The following PLEKHA7 variants were observed in gnomAD, a reference collection of about 807,000 sequenced individuals.
PLEKHA7 encodes pleckstrin homology domain containing A7, also known as pleckstrin homology domain-containing family A member 7.
PLEKHA7 carries 104 observed loss-of-function variants against 170.0 expected under a neutral mutation model. The ratio of observed to expected loss-of-function variants is 0.61; its 90% confidence interval spans 0.52 to 0.72. The LOEUF is 0.72. Ranked by LOEUF, PLEKHA7 falls within the 30% of genes least tolerant of loss-of-function variation. PLEKHA7 has a pLI of 0.00. For missense variants in PLEKHA7, 1,615 were observed against 1,671.7 expected (o/e 0.97, Z 0.59); for synonymous variants, 648 against 660.8 (o/e 0.98, Z 0.30).
At chr11:16,803,078 G>T in intron 14 of PLEKHA7, 26 bp from the exon 15 acceptor site, 1 of 1,598,870 alleles carries the variant, frequency 6.3e-7, no homozygotes, top group Non-Finnish European at 8.6e-7. Flanking sequence ...GGTGGAGAGG[G>T]CCTGGGGTGA....
Position 16,944,594 on chromosome 11 carries a change from G to A in PLEKHA7, c.221+69395C>T, listed in dbSNP as rs554029933. 3.1e-3 allele frequency among the ~76,000 whole-genome samples: 471 copies of A among 151,166 alleles called. 2 individuals carry two copies. Among genetic ancestry groups the A allele is most frequent in the Middle Eastern group, 6.9e-3 (2 of 290 alleles). The stretch of plus-strand genomic sequence containing the variant: ...GCAAAAACCCATATTTGACAAAACA[G>A]GGCACTATTCTCACCCAGGAGACCT... On this transcript the variant is annotated intron_variant, in intron 3 of 26. Coordinates refer to ENST00000531066, the MANE Select transcript of PLEKHA7 (RefSeq NM_001329630.2).
At chr11:16,839,627 C>T (rs1851797140) in intron 9 of PLEKHA7, among the ~76,000 whole-genome samples, 1 of 151,904 alleles carries the variant, frequency 6.6e-6, no homozygotes, top group Admixed American at 6.6e-5. Flanking sequence ...ATTTTCTTGT[C>T]ATTATTGCCT....
intron 17 of PLEKHA7, among the ~76,000 whole-genome samples, chr11:16,796,005 CCCA>C (rs1249071967): frequency 2.0e-5 from 3 of 151,756 alleles, no homozygotes; most frequent in African/African-American, 2.4e-5. Context: ...ATTACAGGCG[CCCA>C]CCACCACATC....
At chr11:16,899,382 A>ATC (rs1156992751) in intron 3 of PLEKHA7, among the ~76,000 whole-genome samples, 3 of 152,156 alleles carry the variant, frequency 2.0e-5, no homozygotes, top group South Asian at 2.1e-4. Context: ...TTGTAATCCC[A>ATC]GCTACTAGGG....
At chr11:16,988,721 T>C (rs1030637004) in intron 3 of PLEKHA7, among the ~76,000 whole-genome samples, 2 of 152,212 alleles carry the variant, frequency 1.3e-5, no homozygotes, top group African/African-American at 4.8e-5. Flanking sequence ...GCTGGGATTA[T>C]GGGCATGAGC....
intron 13 of PLEKHA7, among the ~76,000 whole-genome samples, chr11:16,809,666 C>G (rs1162018329): frequency 1.3e-5 from 2 of 152,234 alleles, no homozygotes; most frequent in Non-Finnish European, 2.9e-5. Flanking sequence ...TCCAACCATT[C>G]ATCCCACTCA....
In PLEKHA7 at chr11:16,792,194, T is replaced by G. The variant is rs76745921; in HGVS notation, c.2746-995A>C. 3.3e-3 allele frequency among the ~76,000 whole-genome samples: 496 copies of G among 152,274 alleles called. 7 individuals are homozygous for G. The East Asian group carries it at 0.041, about 13-fold the overall frequency. ...CTGACAAGATATCCGAATCACCAAT[T>G]TCTAAAAAGCTCCCCAGAAAGATAA... On this transcript the variant is annotated intron_variant, in intron 19 of 26. Coordinates refer to ENST00000531066, the MANE Select transcript of PLEKHA7 (RefSeq NM_001329630.2).
intron 3 of PLEKHA7, among the ~76,000 whole-genome samples, chr11:16,917,064 C>CA (rs1387755625): frequency 6.6e-6 from 1 of 151,984 alleles, no homozygotes; most frequent in Non-Finnish European, 1.5e-5. Context: ...ACAAAAAATA[C>CA]AAAAATTAGC....
intron 3 of PLEKHA7, among the ~76,000 whole-genome samples, chr11:16,897,858 T>C (rs1857095751): frequency 6.6e-6 from 1 of 152,156 alleles, no homozygotes; most frequent in Non-Finnish European, 1.5e-5. Flanking sequence ...AGTTCGGTGC[T>C]GCAAGCCTCT....
intron 8 of PLEKHA7, chr11:16,842,294 G>T: frequency 6.5e-6 from 1 of 154,138 alleles, no homozygotes. Flanking sequence ...TCACCCCATT[G>T]ATCGCCAGGG....
chr11:16,896,932 G>A (rs1413369517), intron 3 of PLEKHA7, among the ~76,000 whole-genome samples: 2 of 152,130 alleles, frequency 1.3e-5, no homozygotes, highest in South Asian at 2.1e-4. Context: ...GTGCACACAC[G>A]GAGAGAACTT....
chr11:16,826,173 G>T lies in PLEKHA7; in HGVS notation c.1290C>A (p.Ser430Arg), dbSNP rs1312108105. 6.2e-7 allele frequency: 1 copy of T among 1,614,188 alleles called. No homozygotes were observed. The highest frequency in any genetic ancestry group is 2.2e-5 in the East Asian group (1 of 44,876). Residue 430 changes from serine to arginine, a missense_variant, in exon 10 of 27, where the codon AGC becomes AGA. Coordinates refer to ENST00000531066, the MANE Select transcript of PLEKHA7 (RefSeq NM_001329630.2). ...CCCAGTGCTCCACCTGGGCCAGATT[G>T]CTCTTCCTTTGGCTGTGTTTTTCAG... The part of the protein sequence containing the change: ...TNPEKHSQRK[S>R]NLAQVEHWAR...
At chr11:16,886,937 A>C (rs1444667954) in intron 3 of PLEKHA7, among the ~76,000 whole-genome samples, 1 of 152,146 alleles carries the variant, frequency 6.6e-6, no homozygotes, top group East Asian at 1.9e-4. Context: ...TAGTTTCTAT[A>C]TATCCTGCCA....
intron 3 of PLEKHA7, among the ~76,000 whole-genome samples, chr11:16,951,642 C>G (rs1348894174): frequency 6.6e-6 from 1 of 152,050 alleles, no homozygotes; most frequent in African/African-American, 2.4e-5. Flanking sequence ...TAAATGAAAA[C>G]GTAAAAGTTT....
intron 13 of PLEKHA7, among the ~76,000 whole-genome samples, chr11:16,809,466 C>A (rs915998395): frequency 6.6e-6 from 1 of 152,188 alleles, no homozygotes; most frequent in Non-Finnish European, 1.5e-5. Context: ...CTTACCTCAC[C>A]CCCCTCCAAG....
At chr11:16,908,501 C>T (rs191478632) in intron 3 of PLEKHA7, among the ~76,000 whole-genome samples, 14 of 145,212 alleles carry the variant, frequency 9.6e-5, no homozygotes, top group Admixed American at 2.0e-4. Context: ...ATTTTTTTTT[C>T]TTTTTTTTTT....
At chr11:17,000,301 C>T (rs1257410122) in intron 3 of PLEKHA7, among the ~76,000 whole-genome samples, 1 of 152,102 alleles carries the variant, frequency 6.6e-6, no homozygotes, top group Non-Finnish European at 1.5e-5. Context: ...ACCATATTGG[C>T]CAGGCTGGTC....
chr11:16,876,558 CA>C (rs1461404073), intron 3 of PLEKHA7, among the ~76,000 whole-genome samples: 1 of 152,210 alleles, frequency 6.6e-6, no homozygotes, highest in Non-Finnish European at 1.5e-5. Flanking sequence ...TAACCATCCA[CA>C]TAAATAAGCA....
Position 16,980,147 on chromosome 11 carries a change from C to T in PLEKHA7, c.221+33842G>A, listed in dbSNP as rs925641269. On this transcript the variant is annotated intron_variant, in intron 3 of 26. Coordinates refer to ENST00000531066, the MANE Select transcript of PLEKHA7 (RefSeq NM_001329630.2). ...TTGTTTCCTTCAAAGAAACTCAGTC[C>T]AGCATTGAGCCTAGAAAGACAGACA... Among the ~76,000 whole-genome samples the T allele has an allele frequency of 2.0e-5, 3 of 152,204 alleles. No individual in the cohort carries two copies. In the East Asian group the frequency reaches 5.8e-4, roughly 29 times the overall value.
Sources: allele counts gnomAD v4.1 joint callset (sites outside exome capture counted in the v4.1 genomes callset), GRCh38; gene constraint gnomAD v4.1.1; transcripts MANE v1.5; gene names NCBI Gene and HGNC (gene_info 2026-07-23, HGNC 2026-07-21).